The following RNF169 variants were observed in gnomAD, a reference collection of about 807,000 sequenced individuals.
RNF169 encodes the protein E3 ubiquitin-protein ligase RNF169.
Under a neutral mutation model 53.9 loss-of-function variants are expected in RNF169, and 24 were observed. That is an observed-to-expected ratio of 0.45 (90% confidence interval 0.32 to 0.63). The LOEUF is 0.63. RNF169 is among the 20% of genes least tolerant of loss of function. RNF169 has a pLI of 0.04. For missense variants in RNF169, 883 were observed against 906.2 expected (o/e 0.97, Z 0.33); for synonymous variants, 396 against 363.5 (o/e 1.09, Z -1.02).
rs1160080145 is a variant in RNF169, at chr11:74,748,857, C to T, written c.-24C>T. ...CTCCACTCTTCTCCCTCGCAACCGA[C>T]TCTCCCTTCAAACGGGAAACAAGAT... On this transcript the variant is annotated 5_prime_UTR_variant, in exon 1 of 6. Coordinates refer to ENST00000299563, the MANE Select transcript of RNF169 (RefSeq NM_001098638.2). 7.2e-7 allele frequency: 1 copy of T among 1,382,654 alleles called. No homozygotes were observed. Among genetic ancestry groups the T allele is most frequent in the East Asian group, 2.9e-5 (1 of 34,622 alleles). 85.6% of individuals were successfully genotyped at this position (1,382,654 alleles called of 1,614,324 possible).
At chr11:74,791,231 T>A (rs184214172) in intron 2 of RNF169, among the ~76,000 whole-genome samples, 1 of 152,196 alleles carries the variant, frequency 6.6e-6, no homozygotes, top group East Asian at 1.9e-4. Context: ...TCTGGCTGAG[T>A]CCAGGGCTTT....
chr11:74,750,275 T>C (rs1326887597), intron 1 of RNF169, among the ~76,000 whole-genome samples: 1 of 152,226 alleles, frequency 6.6e-6, no homozygotes, highest in Non-Finnish European at 1.5e-5. Flanking sequence ...CCAGTCAACA[T>C]AACATCTGCA....
chr11:74,759,905 C>G (rs1395695629), intron 1 of RNF169, among the ~76,000 whole-genome samples: 1 of 151,646 alleles, frequency 6.6e-6, no homozygotes, highest in Non-Finnish European at 1.5e-5. Flanking sequence ...CTCTTTGTAC[C>G]TCTGGTAGAA....
At chr11:74,770,767 C>G (rs2035248096) in intron 1 of RNF169, among the ~76,000 whole-genome samples, 1 of 152,094 alleles carries the variant, frequency 6.6e-6, no homozygotes, top group Admixed American at 6.6e-5. Context: ...ATTGTTTCTT[C>G]CTGTTTTTGC....
chr11:74,830,090 T>C (rs868546544), intron 4 of RNF169, among the ~76,000 whole-genome samples: 3 of 152,070 alleles, frequency 2.0e-5, no homozygotes, highest in Non-Finnish European at 4.4e-5. Context: ...AGAGGGAAAT[T>C]TATAGCTGTA....
At chr11:74,834,566 G>A (rs955982340) in intron 4 of RNF169, 110 bp from the exon 5 acceptor site, 14 of 589,242 alleles carry the variant, frequency 2.4e-5, no homozygotes, top group Admixed American at 3.5e-5. Flanking sequence ...CTGCCCAAGG[G>A]AATTCTTTCC....
intron 1 of RNF169, among the ~76,000 whole-genome samples, chr11:74,775,504 T>A (rs1380345204): frequency 5.3e-5 from 8 of 152,124 alleles, no homozygotes; most frequent in Admixed American, 5.2e-4. Context: ...ATTAAACTTG[T>A]CATATTCATC....
At chr11:74,800,858 C>A (rs1425288024) in intron 2 of RNF169, among the ~76,000 whole-genome samples, 2 of 152,222 alleles carry the variant, frequency 1.3e-5, no homozygotes, top group Non-Finnish European at 2.9e-5. Flanking sequence ...CCTCTTCATT[C>A]AGCCTTTCAG....
rs150726973 is a variant in RNF169 at position 74,826,791 on chromosome 11, C to G, written c.843-7885C>G. Among the ~76,000 whole-genome samples the G allele has an allele frequency of 2.0e-3, 299 of 152,356 alleles. 2 individuals are homozygous for G. The highest frequency in any genetic ancestry group is 6.9e-3 in the African/African-American group (286 of 41,572). On this transcript the variant is annotated intron_variant, in intron 4 of 5. Coordinates refer to ENST00000299563, the MANE Select transcript of RNF169 (RefSeq NM_001098638.2). ...AAATCTTAAAGTTCTGAAGTGATCT[C>G]CTTTGACTCCATGTCTCACATTCAG...
At chr11:74,814,708 A>G (rs1184486150) in intron 3 of RNF169, among the ~76,000 whole-genome samples, 1 of 152,120 alleles carries the variant, frequency 6.6e-6, no homozygotes, top group Non-Finnish European at 1.5e-5. Context: ...GTGTGTGTAA[A>G]TAAAGAATCC....
At chr11:74,763,935 C>G (rs1021488973) in intron 1 of RNF169, among the ~76,000 whole-genome samples, 2 of 152,182 alleles carry the variant, frequency 1.3e-5, no homozygotes, top group African/African-American at 4.8e-5. Flanking sequence ...CAGCCTTGAC[C>G]TCCCAGGCTC....
intron 4 of RNF169, among the ~76,000 whole-genome samples, chr11:74,827,456 G>A (rs1201700922): frequency 2.0e-5 from 3 of 152,136 alleles, no homozygotes; most frequent in African/African-American, 7.2e-5. Context: ...TTAACATTTG[G>A]CTCCTTATTA....
At chr11:74,832,121 T>C (rs536427008) in intron 4 of RNF169, 2 of 152,340 alleles carry the variant, frequency 1.3e-5, no homozygotes, top group South Asian at 4.1e-4. Flanking sequence ...AGTGGTGGAC[T>C]TCAGTGGCTA....
intron 2 of RNF169, among the ~76,000 whole-genome samples, chr11:74,806,488 C>T (rs2135112054): frequency 6.6e-6 from 1 of 152,270 alleles, no homozygotes; most frequent in East Asian, 1.9e-4. Flanking sequence ...TGTATACCTG[C>T]ATACATATTC....
intron 2 of RNF169, among the ~76,000 whole-genome samples, chr11:74,798,892 A>T (rs1053088465): frequency 2.6e-5 from 4 of 151,904 alleles, no homozygotes; most frequent in South Asian, 2.1e-4. Flanking sequence ...ACTACAAAAA[A>T]TTTTTTAAAA....
intron 4 of RNF169, chr11:74,831,050 CAGT>C (rs2036170271): frequency 6.6e-6 from 1 of 152,156 alleles, no homozygotes; most frequent in Admixed American, 6.5e-5. Context: ...ACATCATACT[CAGT>C]GGTGAAAGAG....
At chr11:74,787,794 C>T (rs2035525037) in intron 1 of RNF169, among the ~76,000 whole-genome samples, 1 of 152,144 alleles carries the variant, frequency 6.6e-6, no homozygotes, top group Non-Finnish European at 1.5e-5. Context: ...CTGATTCTAG[C>T]AATTTATCCT....
chr11:74,789,008 C>A (rs1221893267), intron 1 of RNF169, among the ~76,000 whole-genome samples: 1 of 152,108 alleles, frequency 6.6e-6, no homozygotes, highest in Non-Finnish European at 1.5e-5. Context: ...AGCTCTGTAA[C>A]CTTGGGCTAA....
At chr11:74,834,824 C>T (rs2135153471) in intron 5 of RNF169, 49 bp downstream of exon 5, 4 of 1,250,668 alleles carry the variant, frequency 3.2e-6, no homozygotes, top group Non-Finnish European at 4.6e-6. Flanking sequence ...TGCCCCATCA[C>T]CCCCTCTGCA....
Sources: gnomAD v4.1 joint callset for allele counts (sites outside exome capture counted in the v4.1 genomes callset) on GRCh38, gnomAD v4.1.1 for gene constraint, MANE v1.5 for transcripts, NCBI Gene and HGNC (gene_info 2026-07-23, HGNC 2026-07-21) for gene names.